Variants in PSD3 observed in about 807,000 individuals in gnomAD.
PSD3 encodes the protein pleckstrin and Sec7 domain containing 3, also known as PH and SEC7 domain-containing protein 3.
PSD3 carries 49 observed loss-of-function variants against 105.5 expected under a neutral mutation model. The observed-to-expected ratio is 0.46, with a 90% CI of 0.37 to 0.59. The LOEUF (loss-of-function observed/expected upper bound fraction) is 0.59. Among genes scored for constraint, PSD3 ranks in the 20% least tolerant of loss-of-function variants. PSD3 has a pLI of 0.00. For missense variants in PSD3, 1,561 were observed against 1,263.8 expected (o/e 1.24, Z -3.57); for synonymous variants, 557 against 457.8 (o/e 1.22, Z -2.77).
intron 2 of PSD3, among the ~76,000 whole-genome samples, chr8:18,878,316 T>C (rs1285778866): frequency 6.6e-6 from 1 of 152,208 alleles, no homozygotes; most frequent in Non-Finnish European, 1.5e-5. Context: ...TTGGAGCATA[T>C]AATAACATAT....
At position 18,572,134 on chromosome 8, in the gene PSD3, G is replaced by C. The variant is rs537935215; in HGVS notation, c.2784+394C>G. Reference sequence around the variant, plus strand: ...ACCGTGGATTCCTGAAAATATTTTTGTATTTCTAGCACTAAACACATCCTG... The same window carrying C: ...ACCGTGGATTCCTGAAAATATTTTTCTATTTCTAGCACTAAACACATCCTG... On this transcript the variant is annotated intron_variant, in intron 14 of 15. Transcript: ENST00000327040. Among the ~76,000 whole-genome samples the C allele has an allele frequency of 2.8e-4, 42 of 152,176 alleles. 1 individual carries two copies. The South Asian group carries it at 8.7e-3, about 32-fold the overall frequency.
At position 18,970,321 on chromosome 8, in the gene PSD3, C is replaced by A. The variant is rs572212134; in HGVS notation, c.22-34179G>T. Among the ~76,000 whole-genome samples the A allele has an allele frequency of 1.7e-3, 50 of 28,580 alleles. 1 individual carries two copies. The South Asian group carries it at 0.12, about 66-fold the overall frequency. 18.7% of individuals were successfully genotyped at this position (28,580 alleles called of 152,430 possible). A position where few individuals can be genotyped will look rare whatever the true frequency, so the allele number is the denominator to read the frequency against. Reference sequence around the variant, plus strand: ...GCCTGGGCGACAGAGCAAGACTCTGCCTCAAAAAAAAAAAAAAAAAAAAAA... The same window carrying A: ...GCCTGGGCGACAGAGCAAGACTCTGACTCAAAAAAAAAAAAAAAAAAAAAA... On this transcript the variant is annotated intron_variant, in intron 1 of 15. Coordinates refer to ENST00000327040, the MANE Select transcript of PSD3 (RefSeq NM_015310.4).
intron 4 of PSD3, among the ~76,000 whole-genome samples, chr8:18,852,536 T>C (rs1281273135): frequency 6.6e-6 from 1 of 152,192 alleles, no homozygotes. Context: ...GAAACTGACA[T>C]GCCCTCCACA....
chr8:18,716,117 G>C (rs567836598), intron 9 of PSD3, among the ~76,000 whole-genome samples: 2 of 152,158 alleles, frequency 1.3e-5, no homozygotes, highest in African/African-American at 4.8e-5. Context: ...TGAGTGCAGA[G>C]AACAAAATCT....
chr8:18,690,741 C>T (rs146257471), intron 9 of PSD3, among the ~76,000 whole-genome samples: 4 of 152,330 alleles, frequency 2.6e-5, no homozygotes, highest in East Asian at 1.9e-4. Flanking sequence ...CCCACAGTGC[C>T]GGGCTACCTC....
chr8:18,763,990 A>G (rs1806758109), intron 9 of PSD3, among the ~76,000 whole-genome samples: 1 of 152,212 alleles, frequency 6.6e-6, no homozygotes, highest in Non-Finnish European at 1.5e-5. Flanking sequence ...AGAGGAAGTC[A>G]AAGAACACGT....
intron 9 of PSD3, among the ~76,000 whole-genome samples, chr8:18,738,815 C>T (rs1804344368): frequency 6.6e-6 from 1 of 151,700 alleles, no homozygotes; most frequent in East Asian, 2.0e-4. Flanking sequence ...CTATACCACA[C>T]CCGCTCCGAA....
At chr8:18,993,235 C>G (rs1322166212) in intron 1 of PSD3, among the ~76,000 whole-genome samples, 1 of 152,162 alleles carries the variant, frequency 6.6e-6, no homozygotes, top group Non-Finnish European at 1.5e-5. Flanking sequence ...CAAACACTTA[C>G]TGGTAACTAT....
At chr8:18,557,934 G>C (rs184171042) in intron 14 of PSD3, among the ~76,000 whole-genome samples, 2 of 152,188 alleles carry the variant, frequency 1.3e-5, no homozygotes, top group Admixed American at 6.5e-5. Flanking sequence ...GGTCCCTAAA[G>C]AAGTAATAAT....
At chr8:18,577,155 A>C (rs1489041926) in intron 12 of PSD3, among the ~76,000 whole-genome samples, 1 of 151,840 alleles carries the variant, frequency 6.6e-6, no homozygotes, top group Non-Finnish European at 1.5e-5. Context: ...TTAATTTTTT[A>C]TCTCTTCTTT....
chr8:18,959,196 C>T (rs148421191), intron 1 of PSD3, among the ~76,000 whole-genome samples: 5 of 152,168 alleles, frequency 3.3e-5, no homozygotes, highest in Admixed American at 2.0e-4. Context: ...GCTGGGATTA[C>T]GGGCGTGAGC....
intron 1 of PSD3, among the ~76,000 whole-genome samples, chr8:18,962,020 C>T (rs552037298): frequency 3.9e-5 from 6 of 152,010 alleles, no homozygotes; most frequent in African/African-American, 4.8e-5. Flanking sequence ...CCGAGGCATG[C>T]GGATCACTTG....
At chr8:18,682,513 T>G (rs568892376) in intron 9 of PSD3, among the ~76,000 whole-genome samples, 2 of 152,270 alleles carry the variant, frequency 1.3e-5, no homozygotes, top group South Asian at 2.1e-4. Context: ...TTAAAGGACT[T>G]TGAAGACACG....
At chr8:18,637,649 G>C (rs73213632) in intron 10 of PSD3, among the ~76,000 whole-genome samples, 4,221 of 152,200 alleles carry the variant, frequency 0.028, 80 homozygotes, top group Non-Finnish European at 0.044. Flanking sequence ...TTCATTTTAT[G>C]GTCGTGCCAG....
intron 9 of PSD3, among the ~76,000 whole-genome samples, chr8:18,666,233 T>A (rs12547745): frequency 0.25 from 37,585 of 152,116 alleles, 5,391 homozygotes; most frequent in South Asian, 0.33. Flanking sequence ...GTATTTTTAG[T>A]AGAGACAGGG....
chr8:18,623,902 G>A (rs999482396), intron 11 of PSD3, among the ~76,000 whole-genome samples: 8 of 151,870 alleles, frequency 5.3e-5, no homozygotes, highest in Non-Finnish European at 7.4e-5. Context: ...GTTATCTTAC[G>A]TGCAGATTCT....
intron 15 of PSD3, among the ~76,000 whole-genome samples, chr8:18,542,035 G>A (rs1299198323): frequency 2.0e-5 from 3 of 152,098 alleles, no homozygotes; most frequent in African/African-American, 4.8e-5. Context: ...TTACAGGGGC[G>A]AGCCACCTCA....
chr8:18,842,741 A>G (rs1814746863), intron 4 of PSD3, among the ~76,000 whole-genome samples: 1 of 152,096 alleles, frequency 6.6e-6, no homozygotes, highest in African/African-American at 2.4e-5. Context: ...TAAAAAAAAA[A>G]AAATTGTATG....
chr8:18,552,854 G>A (rs1259741823), intron 15 of PSD3, among the ~76,000 whole-genome samples: 1 of 152,150 alleles, frequency 6.6e-6, no homozygotes, highest in Non-Finnish European at 1.5e-5. Flanking sequence ...TTAAGTCAAT[G>A]AAGAGAGCCC....
Sources: gnomAD v4.1 joint callset for allele counts (sites outside exome capture counted in the v4.1 genomes callset) on GRCh38, gnomAD v4.1.1 for gene constraint, MANE v1.5 for transcripts, NCBI Gene and HGNC (gene_info 2026-07-23, HGNC 2026-07-21) for gene names.